The following KBTBD2 variants were observed in gnomAD, a reference collection of about 807,000 sequenced individuals.
KBTBD2 encodes the protein kelch repeat and BTB domain containing 2.
A neutral mutation model predicts 57.1 loss-of-function variants in KBTBD2; 17 were observed. The ratio of observed to expected loss-of-function variants is 0.30; its 90% confidence interval spans 0.20 to 0.45. The LOEUF is 0.45. Among genes scored for constraint, KBTBD2 ranks in the 20% least tolerant of loss-of-function variants. The pLI is 1.00. For missense variants in KBTBD2, 515 were observed against 750.6 expected, an observed-to-expected ratio of 0.69 and a Z score of 3.67; for synonymous variants, 267 against 262.7, an observed-to-expected ratio of 1.02 and a Z score of -0.16.
intron 2 of KBTBD2, among the ~76,000 whole-genome samples, chr7:32,876,182 G>GT (rs1206532272): frequency 6.6e-6 from 1 of 152,142 alleles, no homozygotes; most frequent in Non-Finnish European, 1.5e-5. Flanking sequence ...CCATATATAG[G>GT]TAAGAGAGGA....
chr7:32,874,264 G>A (rs1466917470), intron 3 of KBTBD2, among the ~76,000 whole-genome samples: 2 of 151,946 alleles, frequency 1.3e-5, no homozygotes, highest in African/African-American at 4.8e-5. Context: ...GCCGGGGGTG[G>A]TGGTAGGCAC....
At chr7:32,890,224 C>T (rs1162329214) in intron 1 of KBTBD2, among the ~76,000 whole-genome samples, 2 of 152,132 alleles carry the variant, frequency 1.3e-5, no homozygotes, top group Non-Finnish European at 2.9e-5. Flanking sequence ...GGATTCCAGG[C>T]CCCAACCTAA....
intron 1 of KBTBD2, among the ~76,000 whole-genome samples, chr7:32,890,510 G>C (rs368711857): frequency 6.6e-6 from 1 of 152,188 alleles, no homozygotes; most frequent in Non-Finnish European, 1.5e-5. Context: ...GGAAGAGGGG[G>C]AAGATCCCTG....
At chr7:32,875,752 G>A (rs1202577106) in intron 2 of KBTBD2, among the ~76,000 whole-genome samples, 1 of 151,990 alleles carries the variant, frequency 6.6e-6, no homozygotes, top group Non-Finnish European at 1.5e-5. Flanking sequence ...TAACATAAAT[G>A]AACCTGAAAA....
At chr7:32,884,490 G>A (rs2127955608) in intron 1 of KBTBD2, among the ~76,000 whole-genome samples, 1 of 151,480 alleles carries the variant, frequency 6.6e-6, no homozygotes, top group East Asian at 1.9e-4. Context: ...AGGAGATTGA[G>A]ACCATCCTGG....
At chr7:32,885,219 C>T (rs183885348) in intron 1 of KBTBD2, among the ~76,000 whole-genome samples, 4 of 151,592 alleles carry the variant, frequency 2.6e-5, no homozygotes, top group Admixed American at 2.0e-4. Flanking sequence ...GACTAAAATA[C>T]GTACCTCAAG....
intron 2 of KBTBD2, 128 bp downstream of exon 2, chr7:32,879,307 T>C (rs1562534782): frequency 3.2e-6 from 2 of 619,038 alleles, no homozygotes; most frequent in Non-Finnish European, 5.5e-6. Flanking sequence ...AGAATGAGAT[T>C]TGCCAAGTAC....
intron 2 of KBTBD2, 150 bp from the exon 3 acceptor site, chr7:32,875,307 T>G (rs1019531500): frequency 6.0e-6 from 4 of 661,538 alleles, no homozygotes; most frequent in Non-Finnish European, 7.6e-6. Context: ...GGTCTTGCTC[T>G]GTCCCCCAGG....
At position 32,870,052 on chromosome 7, in the gene KBTBD2, T is replaced by TATC. The variant is rs1562530392; in HGVS notation, c.1162_1164dup (p.Asp388dup). 1.2e-6 allele frequency: 2 copies of TATC among 1,614,198 alleles called. No homozygotes were observed. Among genetic ancestry groups the TATC allele is most frequent in the Non-Finnish European group, 1.7e-6 (2 of 1,180,012 alleles). The stretch of plus-strand genomic sequence containing the variant: ...CTCCGATTAAGTTCTCCACCTACGC[T>TATC]ATCTCCTCCAATTGCATAGATATAG... On this transcript the variant is annotated inframe_insertion, in exon 4 of 4. Transcript: ENST00000304056.
chr7:32,875,999 T>C (rs141106531), intron 2 of KBTBD2, among the ~76,000 whole-genome samples: 5 of 152,344 alleles, frequency 3.3e-5, no homozygotes, highest in African/African-American at 1.2e-4. Flanking sequence ...AATTATATAC[T>C]TAAAATGGGT....
rs1476151527 is a variant in KBTBD2, at chr7:32,879,416, AAAC to A, written c.170+16_170+18del. ...TAACATTTCAAAGAATTTCTATTTA[AAAC>A]ATTAAAAGTACTTACCTGAAATAAG... On this transcript the variant is annotated intron_variant, in intron 2 of 3. Transcript: ENST00000304056. 2.0e-6 allele frequency: 3 copies of A among 1,521,814 alleles called. No homozygotes were observed. The South Asian group carries it at 3.6e-5, about 18-fold the overall frequency. 94.3% of individuals were successfully genotyped at this position (1,521,814 alleles called of 1,614,324 possible).
chr7:32,871,379 A>G (rs1201571495), intron 3 of KBTBD2, among the ~76,000 whole-genome samples: 2 of 152,234 alleles, frequency 1.3e-5, no homozygotes, highest in Non-Finnish European at 2.9e-5. Context: ...GAGAGGTAAG[A>G]TAACAAAGCA....
intron 3 of KBTBD2, among the ~76,000 whole-genome samples, chr7:32,871,745 A>G (rs748770846): frequency 6.6e-6 from 1 of 152,206 alleles, no homozygotes; most frequent in Non-Finnish European, 1.5e-5. Flanking sequence ...ATAAAGTATC[A>G]GTACACCATC....
intron 2 of KBTBD2, among the ~76,000 whole-genome samples, chr7:32,876,619 T>TGATAGCCA (rs1415132659): frequency 1.3e-5 from 2 of 152,060 alleles, no homozygotes; most frequent in African/African-American, 4.8e-5. Flanking sequence ...ATAATATACC[T>TGATAGCCA]AAGAGGTAAG....
chr7:32,870,279 G>A lies in KBTBD2; in HGVS notation c.938C>T (p.Thr313Ile), dbSNP rs747256080. 2 of 1,614,158 alleles carry A rather than the reference G, an allele frequency of 1.2e-6. No individual in the cohort carries two copies. The highest frequency in any genetic ancestry group is 1.7e-6 in the Non-Finnish European group (2 of 1,180,016). ...ADLHKVGTVV[T>I]PDNDIYIAGG... ...TGCTATGTAGATATCATTATCAGGA[G>A]TTACAACGGTCCCAACCTTATGCAA... Residue 313 changes from threonine (T) to isoleucine (I), a missense_variant, in exon 4 of 4, where the codon ACT becomes ATT. Thr to Ile is a moderately conservative substitution (Grantham distance 89). Transcript: ENST00000304056.
chr7:32,873,958 T>A (rs1002103622), intron 3 of KBTBD2, among the ~76,000 whole-genome samples: 1 of 152,068 alleles, frequency 6.6e-6, no homozygotes, highest in Non-Finnish European at 1.5e-5. Context: ...ATAAGAAAAT[T>A]ACATAGATAA....
chr7:32,875,777 A>T (rs1784298923), intron 2 of KBTBD2, among the ~76,000 whole-genome samples: 1 of 152,208 alleles, frequency 6.6e-6, no homozygotes, highest in African/African-American at 2.4e-5. Flanking sequence ...ATGCTCAGTG[A>T]AAGAAGCCAC....
At chr7:32,875,877 T>C (rs188526818) in intron 2 of KBTBD2, among the ~76,000 whole-genome samples, 2 of 152,220 alleles carry the variant, frequency 1.3e-5, no homozygotes, top group Admixed American at 6.5e-5. Context: ...AGTAGTTCCT[T>C]AGAACTGTAA....
intron 1 of KBTBD2, among the ~76,000 whole-genome samples, chr7:32,888,900 A>G (rs868103558): frequency 2.6e-5 from 4 of 152,182 alleles, no homozygotes; most frequent in African/African-American, 9.7e-5. Context: ...AAAAAATTAA[A>G]CAAGAACATA....
Sources: allele counts gnomAD v4.1 joint callset (sites outside exome capture counted in the v4.1 genomes callset), GRCh38; gene constraint gnomAD v4.1.1; transcripts MANE v1.5; gene names NCBI Gene and HGNC (gene_info 2026-07-23, HGNC 2026-07-21).